The following INIP variants were observed in gnomAD, a reference collection of about 807,000 sequenced individuals.
INIP encodes INTS3 and NABP interacting protein.
A neutral mutation model predicts 14.0 loss-of-function variants in INIP; 9 were observed. The ratio of observed to expected loss-of-function variants is 0.64; its 90% CI spans 0.39 to 1.12. The LOEUF (loss-of-function observed/expected upper bound fraction) is 1.12, where lower values mean the gene tolerates loss of function less well. Among genes scored for constraint, INIP ranks in the 50% most tolerant of loss-of-function variants. INIP has a pLI of 0.01. For synonymous variants in INIP, 37 were observed against 41.5 expected, an observed-to-expected ratio of 0.89 and a Z score of 0.41; for missense variants, 78 against 122.7, an observed-to-expected ratio of 0.64 and a Z score of 1.72.
chr9:112,709,505 G>A (rs1838584632), intron 2 of INIP, among the ~76,000 whole-genome samples: 1 of 152,256 alleles, frequency 6.6e-6, no homozygotes, highest in Non-Finnish European at 1.5e-5. Context: ...GGGGATAACA[G>A]TAACACTTCA....
At position 112,715,955 on chromosome 9, in the gene INIP, A is replaced by G. The variant is rs547820773; in HGVS notation, c.25+506T>C. Among the ~76,000 whole-genome samples the G allele has an allele frequency of 1.2e-4, 18 of 152,312 alleles. No homozygotes were observed. The South Asian group carries it at 2.9e-3, about 25-fold the overall frequency. On this transcript the variant is annotated intron_variant, in intron 2 of 4. Coordinates refer to ENST00000374242, the MANE Select transcript of INIP (RefSeq NM_021218.3). ...GTCACTTAGGCGATTGAAATTTTTC[A>G]GCTCCATTACCATCTTATGGGACCA...
Position 112,694,039 on chromosome 9 carries a change from C to T in INIP, c.128+92G>A, listed in dbSNP as rs1206004579. On this transcript the variant is annotated intron_variant, in intron 3 of 4. Coordinates refer to ENST00000374242, the MANE Select transcript of INIP (RefSeq NM_021218.3). Reference sequence around the variant, plus strand: ...GCAGTGAGCCGAGATTGCACCATTGCACTCCAGCCTGGGGGACAGGGCGAG... The same window carrying T: ...GCAGTGAGCCGAGATTGCACCATTGTACTCCAGCCTGGGGGACAGGGCGAG... 1.1e-5 allele frequency: 8 copies of T among 752,600 alleles called. No individual in the cohort carries two copies. The African/African-American group carries it at 1.1e-4, about 10-fold the overall frequency. The allele number at this position is 752,600 out of a possible 1,614,324, so 46.6% of individuals were successfully genotyped here. A position where few individuals can be genotyped will look rare whatever the true frequency, so the allele number is the denominator to read the frequency against.
At chr9:112,701,191 C>A (rs1175544982) in intron 2 of INIP, among the ~76,000 whole-genome samples, 1 of 152,070 alleles carries the variant, frequency 6.6e-6, no homozygotes, top group East Asian at 1.9e-4. Context: ...ACCTGTAATT[C>A]CAGGTACTCA....
At chr9:112,709,374 G>A (rs577318836) in intron 2 of INIP, among the ~76,000 whole-genome samples, 38 of 151,938 alleles carry the variant, frequency 2.5e-4, no homozygotes, top group Non-Finnish European at 4.9e-4. Flanking sequence ...ACTGAAGGGC[G>A]GTATGGGAAA....
chr9:112,690,622 T>C (rs975162342), intron 3 of INIP, among the ~76,000 whole-genome samples: 5 of 152,246 alleles, frequency 3.3e-5, no homozygotes, highest in Admixed American at 3.3e-4. Context: ...AGTCACATGC[T>C]TCAAGGCAGG....
chr9:112,714,564 A>T (rs1231892871), intron 2 of INIP, among the ~76,000 whole-genome samples: 1 of 152,236 alleles, frequency 6.6e-6, no homozygotes, highest in Non-Finnish European at 1.5e-5. Context: ...CAATGAAGAT[A>T]AAGGCACAGA....
At chr9:112,698,303 CAA>C (rs755265359) in intron 2 of INIP, among the ~76,000 whole-genome samples, 684 of 43,578 alleles carry the variant, frequency 0.016, 1 homozygote, top group African/African-American at 0.059. Flanking sequence ...GACTCTGTCT[CAA>C]AAAAAAAAAA....
chr9:112,715,143 C>T (rs10981485), intron 2 of INIP, among the ~76,000 whole-genome samples: 3 of 120,108 alleles, frequency 2.5e-5, no homozygotes, highest in Non-Finnish European at 3.7e-5. Flanking sequence ...TACACACACA[C>T]ACACACACAC....
chr9:112,696,653 T>A (rs1038401911), intron 2 of INIP, among the ~76,000 whole-genome samples: 3 of 152,178 alleles, frequency 2.0e-5, no homozygotes, highest in Admixed American at 6.5e-5. Flanking sequence ...AGGCAGTAGG[T>A]TGTCACCTAT....
At chr9:112,698,635 T>A (rs1413513679) in intron 2 of INIP, among the ~76,000 whole-genome samples, 1 of 152,112 alleles carries the variant, frequency 6.6e-6, no homozygotes, top group African/African-American at 2.4e-5. Flanking sequence ...GATGGAAAAA[T>A]GAGAGCAGAT....
rs752683964 is a variant in INIP at position 112,687,494 on chromosome 9, GCATTTGATATTACAAAGTC to G, written c.*25_*43del. ...GTAGCACTGAATGATAGTAGCTTTG[GCATTTGATATTACAAAGTC>G]ACTTTTCCATCGCAAATGTTTTCTT... On this transcript the variant is annotated 3_prime_UTR_variant, in exon 5 of 5. Transcript: ENST00000374242. 5 of 1,184,856 alleles carry G rather than the reference GCATTTGATATTACAAAGTC, an allele frequency of 4.2e-6. No individual in the cohort carries two copies. The highest frequency in any genetic ancestry group is 6.3e-6 in the Non-Finnish European group (5 of 792,908). The allele number at this position is 1,184,856 out of a possible 1,614,324, so 73.4% of individuals were successfully genotyped here.
At chr9:112,709,651 A>C (rs571628304) in intron 2 of INIP, among the ~76,000 whole-genome samples, 1 of 152,334 alleles carries the variant, frequency 6.6e-6, no homozygotes, top group Non-Finnish European at 1.5e-5. Flanking sequence ...TCATCAGGTT[A>C]ACATCACTAG....
chr9:112,691,498 A>T (rs1837882781), intron 3 of INIP, among the ~76,000 whole-genome samples: 1 of 152,252 alleles, frequency 6.6e-6, no homozygotes. Context: ...CTAGAGCTGC[A>T]AATGCGTAAG....
rs113993391 is a variant in INIP at position 112,703,144 on chromosome 9, GA to G, written c.26-8912del. Reference sequence around the variant, plus strand: ...TTGGCCAAGAACTTTGCCAACTAGTGAAAAGGGGTGAGAGGAAGCATTCCAT... The same window carrying G: ...TTGGCCAAGAACTTTGCCAACTAGTGAAAGGGGTGAGAGGAAGCATTCCAT... On this transcript the variant is annotated intron_variant, in intron 2 of 4. Coordinates refer to ENST00000374242, the MANE Select transcript of INIP (RefSeq NM_021218.3). Among the ~76,000 whole-genome samples the G allele has an allele frequency of 7.4e-4, 112 of 152,270 alleles. 1 individual carries two copies. The highest frequency in any genetic ancestry group is 2.6e-3 in the African/African-American group (108 of 41,564).
intron 2 of INIP, among the ~76,000 whole-genome samples, chr9:112,695,100 C>T (rs983458688): frequency 1.3e-5 from 2 of 152,060 alleles, no homozygotes; most frequent in Non-Finnish European, 2.9e-5. Flanking sequence ...AACAATTCAC[C>T]AGAACTAAGA....
At position 112,705,968 on chromosome 9, in the gene INIP, C is replaced by T. The variant is rs118127445; in HGVS notation, c.25+10493G>A. ...GCAGAGATCAGTCTTGGCACGGTTA[C>T]GAACACCCTCTGGTGGTAAGAGAGA... is the stretch of plus-strand genomic sequence containing the variant. On this transcript the variant is annotated intron_variant, in intron 2 of 4. Coordinates refer to ENST00000374242, the MANE Select transcript of INIP (RefSeq NM_021218.3). 3.3e-5 allele frequency among the ~76,000 whole-genome samples: 5 copies of T among 152,248 alleles called. No individual in the cohort carries two copies. In the East Asian group the frequency reaches 5.8e-4, roughly 18 times the overall value.
chr9:112,694,914 T>C (rs969202024), intron 2 of INIP, among the ~76,000 whole-genome samples: 1 of 152,172 alleles, frequency 6.6e-6, no homozygotes. Flanking sequence ...ACGTAAGATA[T>C]AGGGTAGAGG....
intron 3 of INIP, among the ~76,000 whole-genome samples, chr9:112,692,097 T>C (rs11794604): frequency 0.033 from 5,029 of 152,242 alleles, 172 homozygotes; most frequent in East Asian, 0.14. Flanking sequence ...AGGACTCTGG[T>C]CTGCCAGATT....
At chr9:112,717,086 T>G (rs1409886416) in intron 1 of INIP, among the ~76,000 whole-genome samples, 1 of 152,234 alleles carries the variant, frequency 6.6e-6, no homozygotes, top group African/African-American at 2.4e-5. Flanking sequence ...CTTGCAGATG[T>G]TCATACCATT....
Sources: allele counts gnomAD v4.1 joint callset (sites outside exome capture counted in the v4.1 genomes callset), GRCh38; gene constraint gnomAD v4.1.1; transcripts MANE v1.5; gene names NCBI Gene and HGNC (gene_info 2026-07-23, HGNC 2026-07-21).